Variants in C2orf74 observed in about 807,000 individuals in gnomAD.
C2orf74 encodes the protein DPM1 ER membrane anchor 1, also known as uncharacterized protein C2orf74.
A neutral mutation model predicts 17.9 loss-of-function variants in C2orf74; 14 were observed. The observed-to-expected ratio is 0.78, with a 90% CI of 0.52 to 1.22. The LOEUF is 1.22. Among genes scored for constraint, C2orf74 ranks in the 50% most tolerant of loss-of-function variants. C2orf74 has a pLI of 0.00. For missense variants in C2orf74, 217 were observed against 218.4 expected (o/e 0.99, Z 0.04); for synonymous variants, 79 against 72.6 (o/e 1.09, Z -0.44).
At chr2:61,150,031 A>G (rs891329062) in intron 1 of C2orf74, among the ~76,000 whole-genome samples, 1 of 152,216 alleles carries the variant, frequency 6.6e-6, no homozygotes, top group Admixed American at 6.5e-5. Context: ...TGTTATGGTC[A>G]TGTTGCATAA....
At chr2:61,163,529 G>A (rs1447908368) in intron 4 of C2orf74, among the ~76,000 whole-genome samples, 2 of 151,830 alleles carry the variant, frequency 1.3e-5, no homozygotes, top group African/African-American at 2.4e-5. Flanking sequence ...GCTTGAACCC[G>A]GGAGTCAGAG....
upstream of C2orf74, chr2:61,157,928 C>T: frequency 2.1e-6 from 1 of 471,266 alleles, no homozygotes; most frequent in Non-Finnish European, 4.4e-6. Flanking sequence ...TGCCCTGGAC[C>T]ATCTGGAGCC....
At chr2:61,149,294 G>A (rs1309605145) in intron 1 of C2orf74, among the ~76,000 whole-genome samples, 5 of 152,176 alleles carry the variant, frequency 3.3e-5, no homozygotes, top group Admixed American at 2.6e-4. Context: ...GAGGAAGGGT[G>A]TTTCAGGGCC....
At position 61,152,740 on chromosome 2, in the gene C2orf74, C is replaced by T. The variant is rs538666661; in HGVS notation, c.-122+7544C>T. ...ACACATGCCTGTAATCCCAGCTACTCGGTAGGCTGAGGCAGGAGAATCGCT... is the reference window on the plus strand; with the variant it reads ...ACACATGCCTGTAATCCCAGCTACTTGGTAGGCTGAGGCAGGAGAATCGCT... On this transcript the variant is annotated intron_variant, in intron 1 of 3. Coordinates refer to the C2orf74 transcript ENST00000426997. Among the ~76,000 whole-genome samples, 77 of 149,416 alleles carry T rather than the reference C, an allele frequency of 5.2e-4. 1 individual carries two copies. The South Asian group carries it at 0.013, about 25-fold the overall frequency.
At chr2:61,151,038 C>G (rs1182709477) in intron 1 of C2orf74, among the ~76,000 whole-genome samples, 1 of 152,112 alleles carries the variant, frequency 6.6e-6, no homozygotes, top group East Asian at 1.9e-4. Context: ...TCAAAACAGA[C>G]TGGGTGCAGT....
At chr2:61,149,574 CTTTT>C (rs70959895) in intron 1 of C2orf74, among the ~76,000 whole-genome samples, 5 of 80,000 alleles carry the variant, frequency 6.3e-5, no homozygotes, top group African/African-American at 2.6e-4. Flanking sequence ...GGGCGCCTTT[CTTTT>C]TTTTTTTTTT....
intron 1 of C2orf74, among the ~76,000 whole-genome samples, chr2:61,156,551 A>G (rs1457219196): frequency 6.6e-6 from 1 of 152,162 alleles, no homozygotes; most frequent in Non-Finnish European, 1.5e-5. Context: ...AAATATGTCC[A>G]TCAATGCTAT....
At chr2:61,146,378 A>G (rs1225780502) in intron 1 of C2orf74, among the ~76,000 whole-genome samples, 1 of 152,204 alleles carries the variant, frequency 6.6e-6, no homozygotes, top group Non-Finnish European at 1.5e-5. Context: ...TACTCAAGAA[A>G]CTAATAGTCA....
chr2:61,159,501 G>A (rs1410887770), upstream of C2orf74: 1 of 171,274 alleles, frequency 5.8e-6, no homozygotes, highest in Admixed American at 6.2e-5. Context: ...TCGCCATGAT[G>A]GCCAGGCTGG....
intron 1 of C2orf74, among the ~76,000 whole-genome samples, chr2:61,145,665 G>T (rs1490762611): frequency 6.6e-6 from 1 of 151,976 alleles, no homozygotes. Flanking sequence ...TCAGGTTATC[G>T]GCCTGCCTCA....
At chr2:61,157,405 C>T (rs552064166), upstream of C2orf74, among the ~76,000 whole-genome samples, 1 of 152,172 alleles carries the variant, frequency 6.6e-6, no homozygotes, top group Non-Finnish European at 1.5e-5. Context: ...TGCTATGCCT[C>T]TTGTATCAAG....
chr2:61,162,177 CCA>C, upstream of C2orf74: 13 of 278,422 alleles, frequency 4.7e-5, no homozygotes, highest in South Asian at 2.6e-4. Flanking sequence ...GGGCTCAGCT[CCA>C]GCTGTTCCGA....
At chr2:61,158,250 A>C (rs1685455281), upstream of C2orf74, among the ~76,000 whole-genome samples, 2 of 152,204 alleles carry the variant, frequency 1.3e-5, no homozygotes, top group Non-Finnish European at 2.9e-5. Flanking sequence ...GAAGAGTTAG[A>C]AAACAGGTTT....
In C2orf74 at chr2:61,162,406, C is replaced by A; in HGVS notation, c.-99-10C>A. The A allele has an allele frequency of 1.2e-6, 1 of 805,168 alleles. No individual in the cohort carries two copies. The highest frequency in any genetic ancestry group is 2.0e-6 in the Non-Finnish European group (1 of 500,912). The allele number at this position is 805,168 out of a possible 1,614,324, so 49.9% of individuals were successfully genotyped here. ...ACAAAGAAAACAGCTTTTTATTCCTCTGTTTCTAGAAAACTTAAAGAACAA... is the reference window on the plus strand; with the variant it reads ...ACAAAGAAAACAGCTTTTTATTCCTATGTTTCTAGAAAACTTAAAGAACAA... On this transcript the variant is annotated splice_polypyrimidine_tract_variant and intron_variant, in intron 1 of 4. Coordinates refer to ENST00000432605, the MANE Select transcript of C2orf74 (RefSeq NM_001143959.4).
At chr2:61,152,629 A>G (rs1471877507) in intron 1 of C2orf74, among the ~76,000 whole-genome samples, 1 of 151,456 alleles carries the variant, frequency 6.6e-6, no homozygotes, top group East Asian at 1.9e-4. Flanking sequence ...CGGGCAGATT[A>G]CCTGAGGTCA....
At chr2:61,157,934 G>T (rs1685440841), upstream of C2orf74, 1 of 471,148 alleles carries the variant, frequency 2.1e-6, no homozygotes, top group African/African-American at 2.0e-5. Flanking sequence ...GGACCATCTG[G>T]AGCCCAAGTT....
chr2:61,164,532 C>A lies in C2orf74; in HGVS notation c.*5C>A. 3 of 1,494,474 alleles carry A rather than the reference C, an allele frequency of 2.0e-6. No homozygotes were observed. The highest frequency in any genetic ancestry group is 2.5e-5 in the East Asian group (1 of 39,320). 92.6% of individuals were successfully genotyped at this position (1,494,474 alleles called of 1,614,324 possible). On this transcript the variant is annotated 3_prime_UTR_variant, in exon 5 of 5. Transcript: ENST00000432605. ...GAACATAAAGAGAGGAAATGAAGCT[C>A]AAAAAAGGGTAAGAGTGAAAGAAAA...
intron 1 of C2orf74, chr2:61,152,196 G>A (rs1685249254): frequency 6.6e-6 from 1 of 152,308 alleles, no homozygotes; most frequent in South Asian, 2.1e-4. Flanking sequence ...GGTTTTTGGA[G>A]TGGACTCTCT....
intron 1 of C2orf74, among the ~76,000 whole-genome samples, chr2:61,147,979 G>A (rs1033725663): frequency 1.3e-5 from 2 of 151,620 alleles, no homozygotes; most frequent in Middle Eastern, 3.2e-3. Context: ...ATGTTGCCCA[G>A]GCTGGTCTCA....
Sources: gnomAD v4.1 joint callset for allele counts (sites outside exome capture counted in the v4.1 genomes callset) on GRCh38, gnomAD v4.1.1 for gene constraint, MANE v1.5 for transcripts, NCBI Gene and HGNC (gene_info 2026-07-23, HGNC 2026-07-21) for gene names.